PHLPP1: variants seen among roughly 807,000 people sequenced by gnomAD.
PHLPP1 encodes the protein PH domain leucine-rich repeat-containing protein phosphatase 1.
PHLPP1 carries 42 observed loss-of-function variants against 117.2 expected under a neutral mutation model. That is an observed-to-expected ratio of 0.36 (90% CI 0.28 to 0.46). The LOEUF (loss-of-function observed/expected upper bound fraction) is 0.46. Among genes scored for constraint, PHLPP1 ranks in the 20% least tolerant of loss-of-function variants. PHLPP1 has a pLI of 1.00. For synonymous variants in PHLPP1, 1,042 were observed against 970.7 expected, an observed-to-expected ratio of 1.07 and a Z score of -1.37; for missense variants, 2,084 against 2,241.9, an observed-to-expected ratio of 0.93 and a Z score of 1.42.
rs565625054 is a variant in PHLPP1, at chr18:62,800,589, A to G, written c.1577-29446A>G. 2.0e-5 allele frequency among the ~76,000 whole-genome samples: 3 copies of G among 152,008 alleles called. No individual in the cohort carries two copies. In the East Asian group the frequency reaches 5.8e-4, roughly 29 times the overall value. ...GGGGAAAGTGAGTGAGGGTGGCTGAAGAATGGGCTGTTTGTCTCGGGGGAG... is the reference window on the plus strand; with the variant it reads ...GGGGAAAGTGAGTGAGGGTGGCTGAGGAATGGGCTGTTTGTCTCGGGGGAG... On this transcript the variant is annotated intron_variant, in intron 1 of 16. Transcript: ENST00000262719.
At chr18:62,896,037 C>A in intron 6 of PHLPP1, 26 bp downstream of exon 6, 1 of 1,405,666 alleles carries the variant, frequency 7.1e-7, no homozygotes, top group Non-Finnish European at 1.0e-6. Flanking sequence ...AAATAGATCT[C>A]ATTTGAGTGG....
At chr18:62,841,409 TG>T (rs1599076853) in intron 3 of PHLPP1, among the ~76,000 whole-genome samples, 1 of 150,042 alleles carries the variant, frequency 6.7e-6, no homozygotes, top group Non-Finnish European at 1.5e-5. Context: ...CTTGGCTCAC[TG>T]CAACCTATGC....
chr18:62,886,061 C>A (rs934894844), intron 4 of PHLPP1, among the ~76,000 whole-genome samples: 5 of 152,152 alleles, frequency 3.3e-5, no homozygotes, highest in Non-Finnish European at 7.4e-5. Flanking sequence ...GATCACACCC[C>A]TAGATAGTTT....
At chr18:62,748,453 C>G (rs140660862) in intron 1 of PHLPP1, among the ~76,000 whole-genome samples, 108 of 152,130 alleles carry the variant, frequency 7.1e-4, no homozygotes, top group Middle Eastern at 3.4e-3. Context: ...TGCCCTGTTG[C>G]CCAGGCTGGT....
chr18:62,822,289 T>G lies in PHLPP1; in HGVS notation c.1577-7746T>G, dbSNP rs537021523. 7.7e-4 allele frequency among the ~76,000 whole-genome samples: 112 copies of G among 144,716 alleles called. 2 individuals carry two copies. The East Asian group carries it at 0.019, about 24-fold the overall frequency. 94.9% of individuals were successfully genotyped at this position (144,716 alleles called of 152,430 possible). On this transcript the variant is annotated intron_variant, in intron 1 of 16. Coordinates refer to ENST00000262719, the MANE Select transcript of PHLPP1 (RefSeq NM_194449.4). Reference sequence around the variant, plus strand: ...TGTTTTTTTTTTTTTTGTTTTTGTTTTTTTTTTTTTGAGACAGAGTCTCGC... The same window carrying G: ...TGTTTTTTTTTTTTTTGTTTTTGTTGTTTTTTTTTTGAGACAGAGTCTCGC...
At chr18:62,748,640 C>A (rs989638393) in intron 1 of PHLPP1, among the ~76,000 whole-genome samples, 1 of 152,116 alleles carries the variant, frequency 6.6e-6, no homozygotes, top group Non-Finnish European at 1.5e-5. Flanking sequence ...GCTTTAGTGG[C>A]TATTTTGCTT....
intron 10 of PHLPP1, among the ~76,000 whole-genome samples, chr18:62,927,968 C>T (rs1286891504): frequency 1.3e-5 from 2 of 152,026 alleles, no homozygotes; most frequent in Admixed American, 1.3e-4. Context: ...ATTATGACCA[C>T]CAGTAAAAAG....
rs150144651 is a variant in PHLPP1 at position 62,876,529 on chromosome 18, TAA to T, written c.2066+15930_2066+15931del. Among the ~76,000 whole-genome samples, 899 of 152,352 alleles carry T rather than the reference TAA, an allele frequency of 5.9e-3. 13 individuals carry two copies. Among genetic ancestry groups the T allele is most frequent in the African/African-American group, 0.021 (854 of 41,578 alleles). On this transcript the variant is annotated intron_variant, in intron 4 of 16. Coordinates refer to ENST00000262719, the MANE Select transcript of PHLPP1 (RefSeq NM_194449.4). Reference sequence around the variant, plus strand: ...AAATTTCTAAAATTGCCATCTACTGTAAAGTCCTTAATAAATACTCACTGAAC... The same window carrying T: ...AAATTTCTAAAATTGCCATCTACTGTAGTCCTTAATAAATACTCACTGAAC...
intron 1 of PHLPP1, among the ~76,000 whole-genome samples, chr18:62,751,464 A>G (rs1382198095): frequency 6.6e-6 from 1 of 152,226 alleles, no homozygotes; most frequent in African/African-American, 2.4e-5. Context: ...AATGGCAAGC[A>G]TGCAGAGGAG....
Position 62,921,195 on chromosome 18 carries a change from C to T in PHLPP1, c.2960+1081C>T, listed in dbSNP as rs77790280. On this transcript the variant is annotated intron_variant, in intron 10 of 16. Coordinates refer to ENST00000262719, the MANE Select transcript of PHLPP1 (RefSeq NM_194449.4). ...CCTGAGTTATTTTGACTTCTGCTCC[C>T]ATGTTTATTTTTAGGGAGTGACCAT... 2.3e-3 allele frequency among the ~76,000 whole-genome samples: 349 copies of T among 152,262 alleles called. 1 individual carries two copies. Among genetic ancestry groups the T allele is most frequent in the African/African-American group, 8.2e-3 (340 of 41,562 alleles).
chr18:62,934,800 C>A (rs1233558391), intron 10 of PHLPP1, among the ~76,000 whole-genome samples: 1 of 152,016 alleles, frequency 6.6e-6, no homozygotes, highest in East Asian at 1.9e-4. Context: ...CAAGGTGTAG[C>A]CATATGTGAA....
intron 6 of PHLPP1, among the ~76,000 whole-genome samples, chr18:62,898,023 C>CTT (rs940445020): frequency 7.9e-5 from 12 of 152,226 alleles, no homozygotes; most frequent in South Asian, 2.1e-4. Context: ...CCCTTCTCCT[C>CTT]TTTCTCCTCT....
intron 3 of PHLPP1, among the ~76,000 whole-genome samples, chr18:62,854,296 C>T (rs1408039200): frequency 6.6e-6 from 1 of 152,206 alleles, no homozygotes; most frequent in East Asian, 1.9e-4. Flanking sequence ...TATCTATAAC[C>T]TCTTATACTT....
intron 10 of PHLPP1, among the ~76,000 whole-genome samples, chr18:62,936,827 C>A (rs1398170631): frequency 6.6e-6 from 1 of 152,114 alleles, no homozygotes; most frequent in Non-Finnish European, 1.5e-5. Flanking sequence ...TGAAATACAA[C>A]GTGAAGTGTC....
intron 6 of PHLPP1, among the ~76,000 whole-genome samples, chr18:62,899,408 C>T (rs923663333): frequency 3.3e-5 from 5 of 152,164 alleles, no homozygotes; most frequent in Admixed American, 6.5e-5. Flanking sequence ...GATGCAGAGG[C>T]TGTTCCATTG....
chr18:62,835,929 C>T (rs1914882496), intron 2 of PHLPP1, among the ~76,000 whole-genome samples: 1 of 151,046 alleles, frequency 6.6e-6, no homozygotes, highest in African/African-American at 2.4e-5. Context: ...TACAGGCATG[C>T]ACCACCACGC....
At chr18:62,741,917 A>G (rs1182107589) in intron 1 of PHLPP1, among the ~76,000 whole-genome samples, 1 of 151,994 alleles carries the variant, frequency 6.6e-6, no homozygotes, top group East Asian at 1.9e-4. Flanking sequence ...GTAAGGGGCC[A>G]TATAATGGGT....
chr18:62,889,885 C>T (rs1029835835), intron 4 of PHLPP1, among the ~76,000 whole-genome samples: 2 of 152,144 alleles, frequency 1.3e-5, no homozygotes, highest in African/African-American at 4.8e-5. Flanking sequence ...CTTTTTTGTA[C>T]TCAGTCTTTG....
chr18:62,809,091 A>G (rs1914039988), intron 1 of PHLPP1, among the ~76,000 whole-genome samples: 1 of 152,216 alleles, frequency 6.6e-6, no homozygotes, highest in Admixed American at 6.5e-5. Context: ...ATCTTTCTAA[A>G]TGTGAATTTT....
Sources: allele counts gnomAD v4.1 joint callset (sites outside exome capture counted in the v4.1 genomes callset), GRCh38; gene constraint gnomAD v4.1.1; transcripts MANE v1.5; gene names NCBI Gene and HGNC (gene_info 2026-07-23, HGNC 2026-07-21).